Variants in RNF38 observed in about 807,000 individuals in gnomAD.
The protein encoded by RNF38 is E3 ubiquitin-protein ligase RNF38.
RNF38 carries 15 observed loss-of-function variants against 67.2 expected under a neutral mutation model. That is an observed-to-expected ratio of 0.22 (90% CI 0.15 to 0.34). The LOEUF is 0.34. Among genes scored for constraint, RNF38 ranks in the 10% least tolerant of loss-of-function variants. RNF38 has a pLI of 1.00. For synonymous variants in RNF38, 220 were observed against 218.8 expected (o/e 1.01, Z -0.05); for missense variants, 524 against 639.9 (o/e 0.82, Z 1.95).
intron 2 of RNF38, among the ~76,000 whole-genome samples, chr9:36,408,590 A>G (rs1452147660): frequency 6.6e-6 from 1 of 152,162 alleles, no homozygotes; most frequent in African/African-American, 2.4e-5. Flanking sequence ...AACTAGGCCC[A>G]AACTATAATC....
At chr9:36,439,272 G>C (rs1048922351) in intron 1 of RNF38, among the ~76,000 whole-genome samples, 1 of 152,230 alleles carries the variant, frequency 6.6e-6, no homozygotes, top group Non-Finnish European at 1.5e-5. Context: ...TGTAGACCTA[G>C]ATGTGAGATG....
chr9:36,376,093 A>G lies in RNF38; in HGVS notation c.197T>C (p.Leu66Pro). The G allele has an allele frequency of 1.9e-6, 3 of 1,606,854 alleles. No individual in the cohort carries two copies. Among genetic ancestry groups the G allele is most frequent in the Non-Finnish European group, 2.5e-6 (3 of 1,177,624 alleles). Residue 66 changes from leucine (L) to proline (P), a missense_variant, in exon 3 of 12, where the codon CTC (leucine) becomes CCC (proline). Physicochemically the swap from Leu to Pro is moderately conservative, Grantham distance 98. Coordinates refer to ENST00000259605, the MANE Select transcript of RNF38 (RefSeq NM_022781.5). ...TGTATAATCAAAGACTGAATGAGAG[A>G]GGCGCTGTCTCTTAGGACTTGGACT... ...EDSPSPKRQR[L>P]SHSVFDYTSA...
At chr9:36,457,558 T>C (rs892588270) in intron 1 of RNF38, among the ~76,000 whole-genome samples, 6 of 152,164 alleles carry the variant, frequency 3.9e-5, no homozygotes, top group African/African-American at 7.2e-5. Context: ...GTACAAACTT[T>C]ACGGTTGAAG....
At chr9:36,465,594 C>T (rs1175363442) in intron 1 of RNF38, among the ~76,000 whole-genome samples, 3 of 152,148 alleles carry the variant, frequency 2.0e-5, no homozygotes, top group Non-Finnish European at 4.4e-5. Context: ...ATCCGCCTGC[C>T]TTGGCGTCCC....
chr9:36,451,498 T>TG (rs1839443065), intron 1 of RNF38, among the ~76,000 whole-genome samples: 3 of 134,896 alleles, frequency 2.2e-5, no homozygotes, highest in East Asian at 2.2e-4. Flanking sequence ...GTAGTTTTTT[T>TG]TTTTTTTTTT....
chr9:36,369,757 G>T lies in RNF38; in HGVS notation c.532C>A (p.Pro178Thr). The change falls in exon 4 of 12, where the codon CCC becomes ACC. Residue 178 changes from proline to threonine, a missense_variant. Pro to Thr is a conservative substitution (Grantham distance 38, BLOSUM62 -1). Transcript: ENST00000259605. ...TCAACCATGACTGCATTCTGCTGGG[G>T]TGGATGAGCAGCAGGATGTAGCAGA... ...PRLLHPAAHP[P>T]QQNAVMVDIH... is the part of the protein sequence containing the mutation. The T allele has an allele frequency of 6.2e-7, 1 of 1,614,032 alleles. No individual in the cohort carries two copies. The highest frequency in any genetic ancestry group is 8.5e-7 in the Non-Finnish European group (1 of 1,180,000).
intron 1 of RNF38, among the ~76,000 whole-genome samples, chr9:36,478,893 GCAAT>G (rs1368034077): frequency 1.3e-5 from 2 of 151,742 alleles, no homozygotes; most frequent in African/African-American, 4.8e-5. Context: ...GCTTTTGTGG[GCAAT>G]CAATCATTCT....
upstream of RNF38, chr9:36,400,516 G>A (rs1837933716): frequency 8.0e-6 from 8 of 994,750 alleles, no homozygotes; most frequent in Non-Finnish European, 6.0e-6. Flanking sequence ...AGCCCGTCCC[G>A]CCCTCGCGCT....
At position 36,475,106 on chromosome 9, in the gene RNF38, A is replaced by G. The variant is rs557493804; in HGVS notation, n.241+12202T>C. ...GGTTGCAGTGAGCAGAGAGAGCACC[A>G]TTTCACTCCAGCCTGGGCAATAGAG... is the stretch of plus-strand genomic sequence containing the variant. On this transcript the variant is annotated intron_variant and non_coding_transcript_variant, in intron 1 of 3. Coordinates refer to the RNF38 transcript ENST00000488058. Among the ~76,000 whole-genome samples, 18 of 144,728 alleles carry G rather than the reference A, an allele frequency of 1.2e-4. 1 individual carries two copies. Among genetic ancestry groups the G allele is most frequent in the Non-Finnish European group, 3.0e-5 (2 of 66,800 alleles). The allele number at this position is 144,728 out of a possible 152,430, so 94.9% of individuals were successfully genotyped here. A position where few individuals can be genotyped will look rare whatever the true frequency, so the allele number is the denominator to read the frequency against.
chr9:36,401,583 T>C (rs1253967825), upstream of RNF38, among the ~76,000 whole-genome samples: 1 of 152,150 alleles, frequency 6.6e-6, no homozygotes, highest in East Asian at 1.9e-4. Flanking sequence ...TGCTCAGATG[T>C]CGCTTGGGGA....
chr9:36,455,089 T>C (rs1249050115), intron 1 of RNF38, among the ~76,000 whole-genome samples: 1 of 151,606 alleles, frequency 6.6e-6, no homozygotes, highest in African/African-American at 2.4e-5. Context: ...AGACACAGTC[T>C]CATTCTGTCG....
At chr9:36,375,018 A>G (rs1208225640) in intron 3 of RNF38, among the ~76,000 whole-genome samples, 2 of 152,128 alleles carry the variant, frequency 1.3e-5, no homozygotes, top group East Asian at 1.9e-4. Flanking sequence ...GCACCTCACA[A>G]TGCACTCACT....
At chr9:36,421,957 C>T (rs1838639996) in intron 2 of RNF38, among the ~76,000 whole-genome samples, 1 of 152,146 alleles carries the variant, frequency 6.6e-6, no homozygotes, top group South Asian at 2.1e-4. Flanking sequence ...TCTGGCCAGG[C>T]ATGGTGGCTC....
intron 1 of RNF38, among the ~76,000 whole-genome samples, chr9:36,393,660 C>A (rs1287542624): frequency 1.3e-5 from 2 of 151,876 alleles, no homozygotes; most frequent in Non-Finnish European, 2.9e-5. Flanking sequence ...AATCATATGA[C>A]AAAGGAGGAA....
chr9:36,356,561 C>T, intron 5 of RNF38, 88 bp from the exon 6 acceptor site: 1 of 1,068,086 alleles, frequency 9.4e-7, no homozygotes, highest in South Asian at 1.8e-5. Context: ...CTGTCATTGT[C>T]ACACCTCTCC....
chr9:36,447,965 G>A (rs1282404337), intron 1 of RNF38, among the ~76,000 whole-genome samples: 2 of 152,258 alleles, frequency 1.3e-5, no homozygotes, highest in African/African-American at 4.8e-5. Flanking sequence ...TTCTGAACTA[G>A]AAGTATAACA....
rs758385415 is a variant in RNF38 at position 36,339,803 on chromosome 9, A to G, written c.1497T>C (p.Thr499=). 6.2e-6 allele frequency: 10 copies of G among 1,612,896 alleles called. No homozygotes were observed. The South Asian group carries it at 1.1e-4, about 18-fold the overall frequency. The change falls in exon 12 of 12, where the codon ACT becomes ACC. Residue 499 remains threonine (T), a synonymous_variant. Coordinates refer to ENST00000259605, the MANE Select transcript of RNF38 (RefSeq NM_022781.5). ...CVDKWLKANR[T]CPICRADASE... ...AAGCATCAGCTCGGCAAATTGGGCA[A>G]GTACGATTTGCCTACAAAACAAAAA... is the stretch of plus-strand genomic sequence containing the variant.
intron 9 of RNF38, among the ~76,000 whole-genome samples, chr9:36,346,662 G>T (rs1386320610): frequency 6.7e-6 from 1 of 149,272 alleles, no homozygotes; most frequent in African/African-American, 2.5e-5. Context: ...GAGAGAAACA[G>T]AAATAAATTC....
chr9:36,401,173 CCTTT>C, upstream of RNF38: 2 of 984,914 alleles, frequency 2.0e-6, no homozygotes, highest in Non-Finnish European at 2.4e-6. Context: ...CGCCGAACCC[CCTTT>C]GTTTCCACCC....
Sources: allele counts gnomAD v4.1 joint callset (sites outside exome capture counted in the v4.1 genomes callset), GRCh38; gene constraint gnomAD v4.1.1; transcripts MANE v1.5; gene names NCBI Gene and HGNC (gene_info 2026-07-23, HGNC 2026-07-21).